The following SNRNP40 variants were observed in gnomAD, a reference collection of about 807,000 sequenced individuals.
The protein encoded by SNRNP40 is U5 small nuclear ribonucleoprotein 40 kDa protein.
SNRNP40 carries 21 observed loss-of-function variants against 45.8 expected under a neutral mutation model. The ratio of observed to expected loss-of-function variants is 0.46; its 90% CI spans 0.32 to 0.66. The LOEUF is 0.66. SNRNP40 is among the 30% of genes least tolerant of loss of function. The pLI, the probability that SNRNP40 is intolerant of heterozygous loss-of-function variation, is 0.03. For missense variants in SNRNP40, 344 were observed against 439.1 expected, an observed-to-expected ratio of 0.78 and a Z score of 1.94; for synonymous variants, 142 against 163.8, an observed-to-expected ratio of 0.87 and a Z score of 1.01.
chr1:31,262,521 CA>C (rs57503418), intron 8 of SNRNP40, among the ~76,000 whole-genome samples: 378 of 40,620 alleles, frequency 9.3e-3, no homozygotes, highest in African/African-American at 0.027. Flanking sequence ...ACTCCATCTC[CA>C]AAAAAAAAAA....
chr1:31,275,592 G>A (rs1290440693), intron 5 of SNRNP40, among the ~76,000 whole-genome samples: 2 of 152,106 alleles, frequency 1.3e-5, no homozygotes, highest in African/African-American at 4.8e-5. Flanking sequence ...GTTTTGCCAC[G>A]TTGGCCAGGC....
rs958984276 is a variant in SNRNP40 at position 31,296,716 on chromosome 1, C to T, written c.36G>A (p.Leu12=). The T allele has an allele frequency of 1.9e-6, 3 of 1,613,508 alleles. No individual in the cohort carries two copies. Among genetic ancestry groups the T allele is most frequent in the African/African-American group, 1.3e-5 (1 of 75,044 alleles). ...IEQQKRKGPE[L]PLVPVKRQRH... ...GCTGCCGCTTGACTGGAACCAGCGG[C>T]AACTCTGGGCCCTTACGCTTCTGCT... Residue 12 remains leucine (L), a synonymous_variant, in exon 1 of 10, where the codon TTG becomes TTA. Coordinates refer to ENST00000263694, the MANE Select transcript of SNRNP40 (RefSeq NM_004814.3).
chr1:31,284,370 G>GTT (rs1646041256), intron 4 of SNRNP40, among the ~76,000 whole-genome samples: 1 of 152,160 alleles, frequency 6.6e-6, no homozygotes, highest in African/African-American at 2.4e-5. Flanking sequence ...GGCTGGTCTC[G>GTT]AACTCCTGAC....
intron 5 of SNRNP40, among the ~76,000 whole-genome samples, chr1:31,280,978 ACT>A (rs908209181): frequency 5.3e-5 from 8 of 152,016 alleles, no homozygotes; most frequent in Non-Finnish European, 1.0e-4. Context: ...AACTTAGAAA[ACT>A]CTCTTTCCAT....
chr1:31,291,786 C>T lies in SNRNP40; in HGVS notation c.365+127G>A, dbSNP rs1292025960. Reference sequence around the variant, plus strand: ...CTCACTTGGGGTGACAGTGATAAATCGGATACTAAAGTAGCTACCCAAAAT... The same window carrying T: ...CTCACTTGGGGTGACAGTGATAAATTGGATACTAAAGTAGCTACCCAAAAT... On this transcript the variant is annotated intron_variant, in intron 3 of 9. Coordinates refer to ENST00000263694, the MANE Select transcript of SNRNP40 (RefSeq NM_004814.3). 15 of 643,572 alleles carry T rather than the reference C, an allele frequency of 2.3e-5. No individual in the cohort carries two copies. In the Admixed American group the frequency reaches 3.0e-4, roughly 13 times the overall value. 39.9% of individuals were successfully genotyped at this position (643,572 alleles called of 1,614,324 possible).
chr1:31,269,002 A>ATCCGTTTT (rs1415607004), intron 7 of SNRNP40, among the ~76,000 whole-genome samples, 156 bp downstream of exon 7: 1 of 152,094 alleles, frequency 6.6e-6, no homozygotes, highest in Non-Finnish European at 1.5e-5. Context: ...TATTATTTCT[A>ATCCGTTTT]TCCGTTTTAT....
At chr1:31,265,157 C>T (rs1382390652) in intron 8 of SNRNP40, among the ~76,000 whole-genome samples, 4 of 152,016 alleles carry the variant, frequency 2.6e-5, no homozygotes, top group East Asian at 1.9e-4. Flanking sequence ...TGGGGTCTTG[C>T]TCTGTTGCCC....
intron 5 of SNRNP40, 100 bp downstream of exon 5, chr1:31,281,274 G>T: frequency 2.2e-6 from 2 of 906,034 alleles, no homozygotes; most frequent in Non-Finnish European, 3.3e-6. Context: ...CCTTTCAGTT[G>T]GTATTAAGTG....
chr1:31,274,069 T>G (rs761344705), intron 5 of SNRNP40, among the ~76,000 whole-genome samples: 1 of 152,046 alleles, frequency 6.6e-6, no homozygotes, highest in Admixed American at 6.6e-5. Context: ...TGTAGGAGAT[T>G]AGGCACCCAG....
At chr1:31,293,644 T>C (rs1532861) in intron 1 of SNRNP40, among the ~76,000 whole-genome samples, 83,238 of 152,028 alleles carry the variant, frequency 0.55, 23,754 homozygotes, top group Non-Finnish European at 0.63. Flanking sequence ...TGCAGTAGTG[T>C]GATCATGGTT....
intron 8 of SNRNP40, among the ~76,000 whole-genome samples, chr1:31,262,154 G>A (rs565751368): frequency 6.6e-6 from 1 of 152,258 alleles, no homozygotes; most frequent in East Asian, 1.9e-4. Context: ...ATACTCACTT[G>A]AGCCAACTTT....
chr1:31,277,696 C>CT (rs528410966), intron 5 of SNRNP40, among the ~76,000 whole-genome samples: 5 of 151,828 alleles, frequency 3.3e-5, no homozygotes, highest in Non-Finnish European at 5.9e-5. Context: ...CGCTTTTTAG[C>CT]TTTTTTTTAA....
chr1:31,295,516 G>C (rs1485661620), intron 1 of SNRNP40, among the ~76,000 whole-genome samples: 1 of 152,212 alleles, frequency 6.6e-6, no homozygotes, highest in African/African-American at 2.4e-5. Flanking sequence ...ATCCCACAGA[G>C]AGGACAGCAA....
chr1:31,267,841 A>G (rs1409137872), intron 8 of SNRNP40, 30 bp downstream of exon 8: 41 of 1,581,894 alleles, frequency 2.6e-5, no homozygotes, highest in Non-Finnish European at 3.5e-5. Flanking sequence ...CAGCTACATC[A>G]TTCTTTACTT....
Position 31,269,176 on chromosome 1 carries a change from A to G in SNRNP40, c.840T>C (p.Asn280=), listed in dbSNP as rs138182336. 1.2e-6 allele frequency: 2 copies of G among 1,607,238 alleles called. No individual in the cohort carries two copies. Among genetic ancestry groups the G allele is most frequent in the African/African-American group, 2.7e-5 (2 of 74,570 alleles). Residue 280 remains asparagine (N), a synonymous_variant, in exon 7 of 10, where the codon AAT becomes AAC. Transcript: ENST00000263694. ...AACTCACCTTTTCAAAGTTGTGCAC[A>G]TTTCCTTGAAATATCTTTACACATC... ...KERCVKIFQG[N]VHNFEKNLLR... is the part of the protein sequence containing the mutation.
At chr1:31,283,561 C>T (rs1402433558) in intron 4 of SNRNP40, among the ~76,000 whole-genome samples, 24 of 152,196 alleles carry the variant, frequency 1.6e-4, no homozygotes. Flanking sequence ...CAAGATCGCA[C>T]TACTGCACTC....
chr1:31,260,723 G>GT (rs1021380170), intron 9 of SNRNP40, among the ~76,000 whole-genome samples: 6 of 151,362 alleles, frequency 4.0e-5, no homozygotes, highest in African/African-American at 1.5e-4. Flanking sequence ...TTAGGCAGGT[G>GT]TGGTGGTGGG....
At chr1:31,281,627 T>A in intron 4 of SNRNP40, 131 bp from the exon 5 acceptor site, 1 of 681,716 alleles carries the variant, frequency 1.5e-6, no homozygotes, top group Non-Finnish European at 2.2e-6. Context: ...TATCACTAAC[T>A]CCTGGATATC....
At chr1:31,266,458 A>G (rs928499111) in intron 8 of SNRNP40, among the ~76,000 whole-genome samples, 1 of 152,170 alleles carries the variant, frequency 6.6e-6, no homozygotes, top group Non-Finnish European at 1.5e-5. Context: ...TTTGCAGCCC[A>G]TCAGACTCGA....
Sources: gnomAD v4.1 joint callset for allele counts (sites outside exome capture counted in the v4.1 genomes callset) on GRCh38, gnomAD v4.1.1 for gene constraint, MANE v1.5 for transcripts, NCBI Gene and HGNC (gene_info 2026-07-23, HGNC 2026-07-21) for gene names.